Variants in KMT2A observed in about 807,000 individuals in gnomAD.
KMT2A encodes lysine methyltransferase 2A.
KMT2A carries 16 observed loss-of-function variants against 345.3 expected under a neutral mutation model. The observed-to-expected ratio is 0.05, with a 90% CI of 0.03 to 0.07. KMT2A has a LOEUF of 0.07. Ranked by LOEUF, KMT2A falls within the 10% of genes least tolerant of loss-of-function variation. The pLI is 1.00. For synonymous variants in KMT2A, 1,599 were observed against 1,778.6 expected, an observed-to-expected ratio of 0.90 and a Z score of 2.54; for missense variants, 3,272 against 4,841.6, an observed-to-expected ratio of 0.68 and a Z score of 9.62.
In KMT2A at chr11:118,519,805, C is replaced by CT; in HGVS notation, c.11321+17dup. On this transcript the variant is annotated intron_variant, in intron 32 of 35. Transcript: ENST00000534358. ...AAGTCCACCTCAGGCAAGTTCCCTT[C>CT]TTTTCTGTCAGCAGTTTTGGGTCTC... 1.2e-6 allele frequency: 2 copies of CT among 1,606,810 alleles called. No homozygotes were observed. Among genetic ancestry groups the CT allele is most frequent in the Non-Finnish European group, 1.7e-6 (2 of 1,173,780 alleles).
At chr11:118,454,118 G>A (rs1949595099) in intron 1 of KMT2A, among the ~76,000 whole-genome samples, 1 of 152,012 alleles carries the variant, frequency 6.6e-6, no homozygotes, top group Admixed American at 6.6e-5. Flanking sequence ...CTCTTGGTTG[G>A]AGTTGCTTAT....
intron 31 of KMT2A, among the ~76,000 whole-genome samples, chr11:118,513,723 G>T (rs150824395): frequency 6.6e-6 from 1 of 151,932 alleles, no homozygotes; most frequent in Admixed American, 6.5e-5. Flanking sequence ...TTGAGTCTAG[G>T]AGTTCAAGAC....
chr11:118,478,305 T>C (rs929585817), intron 5 of KMT2A, 104 bp downstream of exon 5: 3 of 855,654 alleles, frequency 3.5e-6, no homozygotes, highest in Non-Finnish European at 5.5e-6. Context: ...AATGTGGTTG[T>C]AATTGAGTTG....
chr11:118,493,174 C>G lies in KMT2A; in HGVS notation c.5122C>G (p.Pro1708Ala). The G allele has an allele frequency of 6.2e-7, 1 of 1,614,092 alleles. No homozygotes were observed. The highest frequency in any genetic ancestry group is 1.1e-5 in the South Asian group (1 of 91,080). ...TEVSKQDDQQ[P>A]LDLEGVKRKM... is the part of the protein sequence containing the mutation. ...GGTCAGCAAACAGGATGATCAGCAGCCTTTAGATCTAGAAGGAGTCAAGAG... is the reference window on the plus strand; with the variant it reads ...GGTCAGCAAACAGGATGATCAGCAGGCTTTAGATCTAGAAGGAGTCAAGAG... The change falls in exon 16 of 36, where the codon CCT (proline) becomes GCT (alanine). Residue 1708 changes from proline to alanine, a missense_variant. Physicochemically the swap from Pro to Ala is conservative, Grantham distance 27 (BLOSUM62 -1). Around this residue, in one of 27 missense-constraint regions of KMT2A, gnomAD observed 235 missense variants for 503.4 expected, o/e 0.47. Transcript: ENST00000534358. The surrounding 1 kb of genome is among the most constrained non-coding windows in gnomAD (Gnocchi z 5.8).
At chr11:118,451,408 G>A (rs1949534572) in intron 1 of KMT2A, among the ~76,000 whole-genome samples, 1 of 151,718 alleles carries the variant, frequency 6.6e-6, no homozygotes, top group Non-Finnish European at 1.5e-5. Flanking sequence ...TCTCTTTTGA[G>A]ACAGAGTCTT....
intron 1 of KMT2A, among the ~76,000 whole-genome samples, chr11:118,455,001 C>T (rs1274700441): frequency 1.3e-5 from 2 of 152,074 alleles, no homozygotes; most frequent in Non-Finnish European, 2.9e-5. Context: ...TCTCCACCCC[C>T]CACTCCTGTC....
chr11:118,525,692 A>C lies in KMT2A; in HGVS notation c.*3520A>C, dbSNP rs1297539372. 8.7e-6 allele frequency: 2 copies of C among 230,314 alleles called. No homozygotes were observed. Among genetic ancestry groups the C allele is most frequent in the Non-Finnish European group, 1.7e-5 (2 of 116,446 alleles). The allele number at this position is 230,314 out of a possible 1,614,324, so 14.3% of individuals were successfully genotyped here. ...ATGAATGTATCTTTCTAAAGGACTG[A>C]CGTTCAATCAAATATCTGAAAATAC... On this transcript the variant is annotated 3_prime_UTR_variant, in exon 36 of 36. Coordinates refer to ENST00000534358, the MANE Select transcript of KMT2A (RefSeq NM_001197104.2).
Position 118,495,164 on chromosome 11 carries a change from AT to A in KMT2A, c.5363+410del, listed in dbSNP as rs1204776106. ...TTGATTTGATTTTATTTATTTATTT[AT>A]TTTTTTTTTTTTGAGACGGAGTCTC... On this transcript the variant is annotated intron_variant, in intron 18 of 35. Transcript: ENST00000534358. This position sits in a 1 kb window ranked among gnomAD's most constrained non-coding sequence, Gnocchi z 4.1. 2.6e-3 allele frequency among the ~76,000 whole-genome samples: 363 copies of A among 140,920 alleles called. 3 individuals are homozygous for A. Among genetic ancestry groups the A allele is most frequent in the African/African-American group, 6.3e-3 (237 of 37,890 alleles). The allele number at this position is 140,920 out of a possible 152,430, so 92.4% of individuals were successfully genotyped here.
rs145944977 is a variant in KMT2A, at chr11:118,493,741, G to A, written c.5178+511G>A. On this transcript the variant is annotated intron_variant, in intron 16 of 35. Transcript: ENST00000534358. The surrounding 1 kb of genome is among the most constrained non-coding windows in gnomAD (Gnocchi z 5.8). The stretch of plus-strand genomic sequence containing the variant: ...ATTTATTTATTTGAGATGGAGTCTC[G>A]CTCTGTTACCCAGGCTGGCATGCAG... Among the ~76,000 whole-genome samples the A allele has an allele frequency of 1.8e-3, 267 of 151,988 alleles. No individual in the cohort carries two copies. Among genetic ancestry groups the A allele is most frequent in the Non-Finnish European group, 2.7e-3 (182 of 67,980 alleles).
intron 10 of KMT2A, among the ~76,000 whole-genome samples, chr11:118,486,915 A>C (rs1565290651): frequency 6.6e-6 from 1 of 152,152 alleles, no homozygotes; most frequent in African/African-American, 2.4e-5. Flanking sequence ...TTTAAAAAAT[A>C]AGAAAATCCA....
intron 23 of KMT2A, 74 bp downstream of exon 23, chr11:118,499,494 T>A: frequency 1.0e-6 from 1 of 989,744 alleles, no homozygotes; most frequent in African/African-American, 1.6e-5. Context: ...AGTTATAAAA[T>A]GACCCTCAGC....
At chr11:118,486,759 G>A (rs559632544) in intron 10 of KMT2A, among the ~76,000 whole-genome samples, 76 of 152,028 alleles carry the variant, frequency 5.0e-4, no homozygotes, top group African/African-American at 1.8e-3. Context: ...TGTAGTCCCA[G>A]CTACTCTAGT....
intron 1 of KMT2A, among the ~76,000 whole-genome samples, chr11:118,460,032 G>A (rs1555032118): frequency 6.6e-6 from 1 of 152,158 alleles, no homozygotes. Flanking sequence ...TAAAAGCTAT[G>A]CATTTTAGTT....
intron 27 of KMT2A, among the ~76,000 whole-genome samples, 165 bp downstream of exon 27, chr11:118,506,811 A>G (rs1565307959): frequency 6.6e-6 from 1 of 152,196 alleles, no homozygotes; most frequent in Non-Finnish European, 1.5e-5. Context: ...GATTTATGTA[A>G]CAAAATGTAG....
Position 118,482,036 on chromosome 11 carries a change from T to C in KMT2A, c.3956T>C (p.Val1319Ala). ...PPTTGPPRKEVPKTTPSEPKK... is the reference protein window; with the variant it reads ...PPTTGPPRKEAPKTTPSEPKK... ...ACTACAGGACCGCCAAGAAAAGAAG[T>C]TCCCAAAACCACTCCTAGTGAGCCC... The change falls in exon 7 of 36, where the codon GTT becomes GCT. Residue 1319 changes from valine to alanine, a missense_variant. Around this residue, in one of 27 missense-constraint regions of KMT2A, gnomAD observed 168 missense variants for 216.0 expected, o/e 0.78. Transcript: ENST00000534358. The C allele has an allele frequency of 6.2e-7, 1 of 1,613,180 alleles. No homozygotes were observed. Among genetic ancestry groups the C allele is most frequent in the Non-Finnish European group, 8.5e-7 (1 of 1,179,666 alleles).
Position 118,493,349 on chromosome 11 carries a change from T to C in KMT2A, c.5178+119T>C. ...ATGAATTGTATTATATTTAGAAATG[T>C]CACGTGGCTTTAGATACCTAAAAAT... is the stretch of plus-strand genomic sequence containing the variant. On this transcript the variant is annotated intron_variant, in intron 16 of 35. Coordinates refer to ENST00000534358, the MANE Select transcript of KMT2A (RefSeq NM_001197104.2). The surrounding 1 kb of genome is among the most constrained non-coding windows in gnomAD (Gnocchi z 5.8). 1.3e-6 allele frequency: 1 copy of C among 749,632 alleles called. No individual in the cohort carries two copies. Among genetic ancestry groups the C allele is most frequent in the South Asian group, 2.8e-5 (1 of 35,118 alleles). 46.4% of individuals were successfully genotyped at this position (749,632 alleles called of 1,614,324 possible). A position where few individuals can be genotyped will look rare whatever the true frequency, so the allele number is the denominator to read the frequency against.
Position 118,481,936 on chromosome 11 carries a change from G to C in KMT2A, c.3856G>C (p.Ala1286Pro), listed in dbSNP as rs1555039392. The C allele has an allele frequency of 6.2e-7, 1 of 1,614,154 alleles. No individual in the cohort carries two copies. The highest frequency in any genetic ancestry group is 8.5e-7 in the Non-Finnish European group (1 of 1,180,034). ...VSAPGPESKQ[A>P]TTPASRKSSK... ...GGCCCCTGGGCCTGAATCCAAACAG[G>C]CCACCACTCCAGCTTCCAGGAAGTC... The change falls in exon 7 of 36, where the codon GCC becomes CCC. Residue 1286 changes from alanine (A) to proline (P), a missense_variant. Coordinates refer to ENST00000534358, the MANE Select transcript of KMT2A (RefSeq NM_001197104.2).
chr11:118,464,539 CAA>C (rs35564663), intron 1 of KMT2A, among the ~76,000 whole-genome samples: 21 of 64,976 alleles, frequency 3.2e-4, no homozygotes, highest in Admixed American at 7.2e-4. Context: ...AACTCTGTCT[CAA>C]AAAAAAAAAA....
At position 118,482,958 on chromosome 11, in the gene KMT2A, C is replaced by T. The variant is rs910993491; in HGVS notation, c.4086+463C>T. Among the ~76,000 whole-genome samples the T allele has an allele frequency of 9.9e-5, 15 of 152,128 alleles. No individual in the cohort carries two copies. In the East Asian group the frequency reaches 1.7e-3, roughly 18 times the overall value. On this transcript the variant is annotated intron_variant, in intron 8 of 35. Coordinates refer to ENST00000534358, the MANE Select transcript of KMT2A (RefSeq NM_001197104.2). The stretch of plus-strand genomic sequence containing the variant: ...CAAAAAAAATTTAGGCTTGGCAAGG[C>T]GCAGCGGCTCACGCCTGTGATCCCA...
Sources: gnomAD v4.1 joint callset for allele counts (sites outside exome capture counted in the v4.1 genomes callset) on GRCh38, gnomAD v4.1.1 for gene constraint, gnomAD v4.1.1 regional missense constraint, Gnocchi (gnomAD v3.1) non-coding constraint, MANE v1.5 for transcripts, NCBI Gene and HGNC (gene_info 2026-07-23, HGNC 2026-07-21) for gene names.